The following GRK5 variants were observed in gnomAD, a reference collection of about 807,000 sequenced individuals.
The protein encoded by GRK5 is g protein-coupled receptor kinase GRK5.
A neutral mutation model predicts 78.4 loss-of-function variants in GRK5; 40 were observed. That is an observed-to-expected ratio of 0.51 (90% CI 0.40 to 0.66). The LOEUF is 0.66. Ranked by LOEUF, GRK5 falls within the 30% of genes least tolerant of loss-of-function variation. GRK5 has a pLI of 0.00. For synonymous variants in GRK5, 289 were observed against 296.8 expected (o/e 0.97, Z 0.27); for missense variants, 598 against 759.9 (o/e 0.79, Z 2.50).
At chr10:119,345,490 T>C (rs1017213702) in intron 2 of GRK5, among the ~76,000 whole-genome samples, 2 of 152,224 alleles carry the variant, frequency 1.3e-5, no homozygotes, top group Non-Finnish European at 2.9e-5. Context: ...CCATCCTTGG[T>C]ACTTGTCTTC....
intron 3 of GRK5, among the ~76,000 whole-genome samples, chr10:119,384,699 G>T (rs1392736167): frequency 8.3e-6 from 1 of 120,702 alleles, no homozygotes; most frequent in Non-Finnish European, 2.0e-5. Context: ...GTTGAGTGAT[G>T]CTCAGATTGG....
intron 2 of GRK5, among the ~76,000 whole-genome samples, chr10:119,360,494 G>C (rs1213449520): frequency 6.6e-6 from 1 of 151,388 alleles, no homozygotes; most frequent in South Asian, 2.1e-4. Flanking sequence ...GAGCCTGTGC[G>C]AGAGGGAGGA....
chr10:119,421,254 C>A (rs1852564630), intron 4 of GRK5, among the ~76,000 whole-genome samples: 1 of 152,244 alleles, frequency 6.6e-6, no homozygotes, highest in East Asian at 1.9e-4. Context: ...GGGATTTGTG[C>A]TAATATTCAG....
intron 1 of GRK5, among the ~76,000 whole-genome samples, chr10:119,272,350 G>A (rs1296569482): frequency 6.6e-6 from 1 of 152,142 alleles, no homozygotes; most frequent in African/African-American, 2.4e-5. Context: ...GCTGAGGTGG[G>A]CGGATCACCT....
intron 1 of GRK5, among the ~76,000 whole-genome samples, chr10:119,291,717 C>T (rs1400862006): frequency 1.3e-5 from 2 of 149,322 alleles, no homozygotes; most frequent in African/African-American, 2.5e-5. Flanking sequence ...CCTCCTTATC[C>T]TCATCCTCCT....
intron 1 of GRK5, among the ~76,000 whole-genome samples, chr10:119,245,259 A>G (rs1849089146): frequency 6.6e-6 from 1 of 152,166 alleles, no homozygotes; most frequent in East Asian, 1.9e-4. Flanking sequence ...GCCTGGCGAC[A>G]GAGCAAGACT....
chr10:119,393,519 GTA>G (rs1851920137), intron 3 of GRK5, among the ~76,000 whole-genome samples: 1 of 152,236 alleles, frequency 6.6e-6, no homozygotes, highest in Non-Finnish European at 1.5e-5. Context: ...GTTCTGGATG[GTA>G]TAGAGTTACC....
At chr10:119,353,423 C>T (rs531965190) in intron 2 of GRK5, among the ~76,000 whole-genome samples, 1 of 152,318 alleles carries the variant, frequency 6.6e-6, no homozygotes, top group East Asian at 1.9e-4. Flanking sequence ...AGAAATCAAA[C>T]TGCTATTAAT....
At chr10:119,423,722 C>G (rs1349649572) in intron 5 of GRK5, among the ~76,000 whole-genome samples, 2 of 152,302 alleles carry the variant, frequency 1.3e-5, no homozygotes, top group Non-Finnish European at 1.5e-5. Flanking sequence ...CAACTAAACC[C>G]CCACCCCATC....
At chr10:119,266,521 C>T (rs917656783) in intron 1 of GRK5, among the ~76,000 whole-genome samples, 1 of 152,092 alleles carries the variant, frequency 6.6e-6, no homozygotes, top group African/African-American at 2.4e-5. Flanking sequence ...AAACACCCAG[C>T]TACCTTCCAA....
chr10:119,420,881 T>A (rs1852557739), intron 4 of GRK5, among the ~76,000 whole-genome samples: 1 of 152,206 alleles, frequency 6.6e-6, no homozygotes, highest in East Asian at 1.9e-4. Flanking sequence ...GAGTCCTGCC[T>A]GGCTTCATCT....
rs556171215 is a variant in GRK5 at position 119,228,348 on chromosome 10, A to AAAAAC, written c.52+20394_52+20398dup. Reference sequence around the variant, plus strand: ...TGACAAAGTGATACCCTGTCTCAAAAAAAACAAAACAAAACAAAAAACCAA... The same window carrying AAAAAC: ...TGACAAAGTGATACCCTGTCTCAAAAAAAACAAAACAAAACAAAACAAAAAACCAA... On this transcript the variant is annotated intron_variant, in intron 1 of 15. Transcript: ENST00000392870. Among the ~76,000 whole-genome samples, 1,466 of 148,638 alleles carry AAAAAC rather than the reference A, an allele frequency of 9.9e-3. 19 individuals are homozygous for AAAAAC. Among genetic ancestry groups the AAAAAC allele is most frequent in the African/African-American group, 0.035 (1,399 of 40,270 alleles).
intron 2 of GRK5, among the ~76,000 whole-genome samples, chr10:119,372,816 A>C (rs1851566477): frequency 6.6e-6 from 1 of 152,242 alleles, no homozygotes; most frequent in African/African-American, 2.4e-5. Context: ...AAAAATGTTC[A>C]AGTAAAGACT....
At chr10:119,261,278 G>C (rs1589708489) in intron 1 of GRK5, among the ~76,000 whole-genome samples, 1 of 151,626 alleles carries the variant, frequency 6.6e-6, no homozygotes, top group East Asian at 2.0e-4. Flanking sequence ...GCCGGGCAGA[G>C]GCGCTCCTCA....
At chr10:119,447,228 C>T (rs748153017) in intron 12 of GRK5, among the ~76,000 whole-genome samples, 7 of 152,164 alleles carry the variant, frequency 4.6e-5, no homozygotes, top group Non-Finnish European at 1.0e-4. Flanking sequence ...CTCTTCCTCT[C>T]CTAGTAACCT....
At position 119,208,048 on chromosome 10, in the gene GRK5, G is replaced by T. The variant is rs1848418277; in HGVS notation, c.52+79G>T. ...GGTGTCGGGTGGCGTGCGGGCTGGG[G>T]CTGCGCCCGTGCAGGATGCCCGCTG... On this transcript the variant is annotated intron_variant, in intron 1 of 15. Transcript: ENST00000392870. The T allele has an allele frequency of 1.9e-5, 27 of 1,404,286 alleles. No individual in the cohort carries two copies. The South Asian group carries it at 2.4e-4, about 12-fold the overall frequency. 87.0% of individuals were successfully genotyped at this position (1,404,286 alleles called of 1,614,324 possible). A position where few individuals can be genotyped will look rare whatever the true frequency, so the allele number is the denominator to read the frequency against.
intron 9 of GRK5, among the ~76,000 whole-genome samples, chr10:119,438,498 C>G (rs1463509903): frequency 2.0e-5 from 3 of 148,428 alleles, no homozygotes; most frequent in African/African-American, 7.4e-5. Context: ...TACCATCCCC[C>G]CATTTATGTT....
intron 1 of GRK5, among the ~76,000 whole-genome samples, chr10:119,227,949 C>A (rs1246137545): frequency 6.6e-6 from 1 of 151,982 alleles, no homozygotes; most frequent in African/African-American, 2.4e-5. Flanking sequence ...TGAAGTTCCA[C>A]GTCTAAGATT....
chr10:119,380,754 C>G (rs912766390), intron 2 of GRK5, 61 bp from the exon 3 acceptor site: 8 of 1,031,856 alleles, frequency 7.8e-6, no homozygotes, highest in African/African-American at 1.6e-5. Context: ...GTGGGAATGA[C>G]AGGAAGGCCC....
Sources: allele counts gnomAD v4.1 joint callset (sites outside exome capture counted in the v4.1 genomes callset), GRCh38; gene constraint gnomAD v4.1.1; transcripts MANE v1.5; gene names NCBI Gene and HGNC (gene_info 2026-07-23, HGNC 2026-07-21).